The following TMEM117 variants were observed in gnomAD, a reference collection of about 807,000 sequenced individuals.
TMEM117 encodes transmembrane protein 117.
In TMEM117, 27 loss-of-function variants were observed where a neutral mutation model predicts 52.4. That is an observed-to-expected ratio of 0.51 (90% CI 0.38 to 0.71). The LOEUF (loss-of-function observed/expected upper bound fraction) is 0.71. Among genes scored for constraint, TMEM117 ranks in the 30% least tolerant of loss-of-function variants. The pLI, the probability that TMEM117 is intolerant of heterozygous loss-of-function variation, is 0.00. For missense variants in TMEM117, 556 were observed against 630.5 expected, an observed-to-expected ratio of 0.88 and a Z score of 1.26; for synonymous variants, 215 against 206.3, an observed-to-expected ratio of 1.04 and a Z score of -0.36.
At chr12:44,320,397 T>C (rs1279460403) in intron 6 of TMEM117, among the ~76,000 whole-genome samples, 1 of 152,220 alleles carries the variant, frequency 6.6e-6, no homozygotes, top group East Asian at 1.9e-4. Context: ...GTAATCTTTT[T>C]AACACCAAAA....
chr12:44,250,056 A>G (rs534918384), intron 5 of TMEM117, among the ~76,000 whole-genome samples: 1 of 152,320 alleles, frequency 6.6e-6, no homozygotes, highest in African/African-American at 2.4e-5. Flanking sequence ...TGAACAGACA[A>G]CCTACAGAAT....
At chr12:43,869,964 C>G (rs1943675353) in intron 2 of TMEM117, among the ~76,000 whole-genome samples, 1 of 152,136 alleles carries the variant, frequency 6.6e-6, no homozygotes, top group Admixed American at 6.6e-5. Flanking sequence ...TTGTTCCCCT[C>G]CATGTGTCCA....
chr12:43,946,274 A>T (rs2137621469), intron 3 of TMEM117, among the ~76,000 whole-genome samples: 1 of 152,252 alleles, frequency 6.6e-6, no homozygotes, highest in South Asian at 2.1e-4. Context: ...AAGGAGAAGG[A>T]ACCTCTGTGA....
At chr12:43,806,428 G>A in the TMEM117 span, 1 of 1,130,990 alleles carries the variant, frequency 8.8e-7, no homozygotes, top group Non-Finnish European at 1.1e-6. Context: ...GCCCTTCCTG[G>A]CCGCCGGGCT....
At chr12:44,212,235 C>G (rs1949655596) in intron 5 of TMEM117, among the ~76,000 whole-genome samples, 1 of 152,146 alleles carries the variant, frequency 6.6e-6, no homozygotes, top group Non-Finnish European at 1.5e-5. Context: ...TGTGATGAAG[C>G]CTCATACCCT....
chr12:44,106,919 T>A (rs1272962761), intron 3 of TMEM117, among the ~76,000 whole-genome samples: 1 of 152,032 alleles, frequency 6.6e-6, no homozygotes, highest in Non-Finnish European at 1.5e-5. Flanking sequence ...AGTACTTTTT[T>A]ATTTTTTAAT....
intron 3 of TMEM117, among the ~76,000 whole-genome samples, chr12:43,975,180 TG>T (rs1312082102): frequency 2.0e-5 from 3 of 152,222 alleles, no homozygotes; most frequent in Non-Finnish European, 4.4e-5. Flanking sequence ...TTGGTTGCAT[TG>T]TTCCTCTTAT....
chr12:43,932,757 T>C (rs1316940072), intron 2 of TMEM117, among the ~76,000 whole-genome samples: 1 of 152,222 alleles, frequency 6.6e-6, no homozygotes, highest in Admixed American at 6.5e-5. Flanking sequence ...TAAACTTGTA[T>C]CTTATGAATT....
intron 3 of TMEM117, among the ~76,000 whole-genome samples, chr12:43,969,024 GATATA>G (rs956869585): frequency 1.3e-5 from 2 of 151,934 alleles, no homozygotes; most frequent in Non-Finnish European, 2.9e-5. Flanking sequence ...AATATAAAAA[GATATA>G]ATAAAACTGT....
At chr12:43,956,500 CAAAAA>C (rs57544750) in intron 3 of TMEM117, among the ~76,000 whole-genome samples, 1 of 83,546 alleles carries the variant, frequency 1.2e-5, no homozygotes, top group African/African-American at 4.7e-5. Context: ...AGACACTTCT[CAAAAA>C]AAAAAAAAAA....
In TMEM117 at chr12:43,944,234, T is replaced by A. The variant is rs778423204; in HGVS notation, c.302T>A (p.Phe101Tyr). The change falls in exon 3 of 8, where the codon TTT becomes TAT. Residue 101 changes from phenylalanine to tyrosine, a missense_variant. Transcript: ENST00000266534. Reference protein sequence around the residue: ...LFGQLLRLKMFREDHGSWMTM... With the variant: ...LFGQLLRLKMYREDHGSWMTM... The stretch of plus-strand genomic sequence containing the variant: ...GGTCAGTTGCTCCGATTAAAAATGT[T>A]TCGAGAAGATCATGGGTCGTGGATG... The A allele has an allele frequency of 2.5e-6, 4 of 1,612,226 alleles. No homozygotes were observed. The Admixed American group carries it at 6.7e-5, about 27-fold the overall frequency.
downstream of TMEM117, among the ~76,000 whole-genome samples, chr12:44,394,725 G>A (rs902857990): frequency 2.7e-4 from 41 of 152,138 alleles, no homozygotes; most frequent in African/African-American, 8.9e-4. Flanking sequence ...ATCCTGAAGT[G>A]AAAGTGCTTG....
At chr12:44,169,660 G>A (rs539585497) in intron 4 of TMEM117, among the ~76,000 whole-genome samples, 74 of 152,192 alleles carry the variant, frequency 4.9e-4, no homozygotes, top group South Asian at 2.1e-3. Flanking sequence ...CCATCCTGTG[G>A]ATGGTGTTCT....
At chr12:44,067,700 T>C (rs1426708301) in intron 3 of TMEM117, among the ~76,000 whole-genome samples, 1 of 152,216 alleles carries the variant, frequency 6.6e-6, no homozygotes, top group Non-Finnish European at 1.5e-5. Context: ...GTTTCATTTA[T>C]AGAGCACAGG....
intron 2 of TMEM117, among the ~76,000 whole-genome samples, chr12:43,926,847 AT>A (rs530842764): frequency 6.6e-6 from 1 of 151,848 alleles, no homozygotes; most frequent in Non-Finnish European, 1.5e-5. Flanking sequence ...CTAGTAAGAG[AT>A]TTGTTGGTTT....
chr12:44,297,414 A>G (rs528344766), intron 5 of TMEM117, among the ~76,000 whole-genome samples: 10 of 152,304 alleles, frequency 6.6e-5, no homozygotes, highest in African/African-American at 2.4e-4. Context: ...GTGAGGTACT[A>G]GAGTACCCTT....
intron 4 of TMEM117, among the ~76,000 whole-genome samples, chr12:44,197,336 A>G (rs949529313): frequency 1.3e-5 from 2 of 152,100 alleles, no homozygotes; most frequent in East Asian, 3.9e-4. Flanking sequence ...ATTATGGTAT[A>G]TCGTACATAA....
rs571181283 is a variant in TMEM117, at chr12:44,211,279, C to T, written c.511-11C>T. The T allele has an allele frequency of 6.3e-7, 1 of 1,585,502 alleles. No homozygotes were observed. Among genetic ancestry groups the T allele is most frequent in the South Asian group, 1.1e-5 (1 of 89,132 alleles). ...CTGAAAGTGCTGAATAAGTTCCTTT[C>T]ATTGCTTCAGGTCACTGATATGATG... On this transcript the variant is annotated splice_polypyrimidine_tract_variant and intron_variant, in intron 4 of 7. Transcript: ENST00000266534.
intron 6 of TMEM117, 196 bp from the exon 7 acceptor site, chr12:44,376,399 A>G (rs1951941599): frequency 1.5e-6 from 1 of 676,484 alleles, no homozygotes; most frequent in South Asian, 1.6e-5. Flanking sequence ...ATAAGTTATG[A>G]CTTAATTTTG....
Sources: gnomAD v4.1 joint callset for allele counts (sites outside exome capture counted in the v4.1 genomes callset) on GRCh38, gnomAD v4.1.1 for gene constraint, MANE v1.5 for transcripts, NCBI Gene and HGNC (gene_info 2026-07-23, HGNC 2026-07-21) for gene names.